The following CACNA2D3 variants were observed in gnomAD, a reference collection of about 807,000 sequenced individuals.
CACNA2D3 encodes the protein calcium voltage-gated channel auxiliary subunit alpha2delta 3.
A neutral mutation model predicts 160.6 loss-of-function variants in CACNA2D3; 60 were observed. The observed-to-expected ratio is 0.37, with a 90% CI of 0.30 to 0.46. The LOEUF (loss-of-function observed/expected upper bound fraction) is 0.46. CACNA2D3 is among the 20% of genes least tolerant of loss of function. The pLI is 1.00. For synonymous variants in CACNA2D3, 558 were observed against 492.9 expected, an observed-to-expected ratio of 1.13 and a Z score of -1.75; for missense variants, 1,205 against 1,365.0, an observed-to-expected ratio of 0.88 and a Z score of 1.85.
At chr3:54,900,317 A>G (rs372800709) in intron 27 of CACNA2D3, among the ~76,000 whole-genome samples, 127 of 152,248 alleles carry the variant, frequency 8.3e-4, no homozygotes, top group African/African-American at 2.9e-3. Flanking sequence ...CCCCTGGGGA[A>G]TTAGAGTTAG....
intron 9 of CACNA2D3, among the ~76,000 whole-genome samples, chr3:54,604,759 C>T (rs1703134107): frequency 6.6e-6 from 1 of 152,164 alleles, no homozygotes; most frequent in Non-Finnish European, 1.5e-5. Flanking sequence ...TCCCCAGCCC[C>T]CACTTGATCC....
At chr3:54,678,578 G>A (rs1443088205) in intron 11 of CACNA2D3, among the ~76,000 whole-genome samples, 2 of 151,646 alleles carry the variant, frequency 1.3e-5, no homozygotes, top group East Asian at 1.9e-4. Flanking sequence ...AAAATTAGCC[G>A]GGCATGGTGG....
intron 16 of CACNA2D3, among the ~76,000 whole-genome samples, chr3:54,844,069 G>T (rs1698879910): frequency 6.6e-6 from 1 of 152,134 alleles, no homozygotes; most frequent in South Asian, 2.1e-4. Flanking sequence ...CTTATTGAGG[G>T]AGAGGAGAGC....
chr3:54,543,185 T>A (rs1185036522), intron 5 of CACNA2D3, among the ~76,000 whole-genome samples: 2 of 152,222 alleles, frequency 1.3e-5, no homozygotes, highest in Non-Finnish European at 2.9e-5. Context: ...AATGCTATAC[T>A]GCTGTTACAG....
intron 3 of CACNA2D3, among the ~76,000 whole-genome samples, chr3:54,336,139 C>T (rs1487651365): frequency 6.6e-6 from 1 of 152,056 alleles, no homozygotes; most frequent in Non-Finnish European, 1.5e-5. Flanking sequence ...AGGGCGGCCC[C>T]AGTGGGTTAT....
intron 4 of CACNA2D3, among the ~76,000 whole-genome samples, chr3:54,502,581 T>C (rs1022231804): frequency 6.6e-6 from 1 of 152,266 alleles, no homozygotes; most frequent in Non-Finnish European, 1.5e-5. Flanking sequence ...TTTAAGGTTC[T>C]GCTCTGTTAA....
intron 13 of CACNA2D3, among the ~76,000 whole-genome samples, chr3:54,780,044 G>A (rs1362415560): frequency 6.6e-6 from 1 of 152,164 alleles, no homozygotes; most frequent in Non-Finnish European, 1.5e-5. Context: ...ACTACAGTTT[G>A]TTTGTTTCTC....
chr3:54,871,085 C>T (rs952544723), intron 17 of CACNA2D3, among the ~76,000 whole-genome samples: 24 of 122,544 alleles, frequency 2.0e-4, no homozygotes, highest in African/African-American at 3.5e-4. Flanking sequence ...CACACACACA[C>T]ACACACACCA....
At chr3:54,168,755 G>T (rs1261737633) in intron 2 of CACNA2D3, among the ~76,000 whole-genome samples, 1 of 152,192 alleles carries the variant, frequency 6.6e-6, no homozygotes, top group Non-Finnish European at 1.5e-5. Context: ...GAGATGGAAG[G>T]CCCCTTTAGG....
At chr3:54,369,415 C>T (rs1272668332) in intron 3 of CACNA2D3, among the ~76,000 whole-genome samples, 5 of 152,158 alleles carry the variant, frequency 3.3e-5, no homozygotes, top group Non-Finnish European at 1.5e-5. Context: ...TAAGTGACTG[C>T]CGGCGGGCCT....
intron 27 of CACNA2D3, among the ~76,000 whole-genome samples, chr3:54,967,304 C>T (rs1702176332): frequency 1.3e-5 from 2 of 152,174 alleles, no homozygotes; most frequent in Non-Finnish European, 2.9e-5. Context: ...TCTCCAAGTT[C>T]CTGAAGCCAG....
At chr3:54,521,120 C>T (rs1701640598) in intron 5 of CACNA2D3, among the ~76,000 whole-genome samples, 1 of 152,122 alleles carries the variant, frequency 6.6e-6, no homozygotes, top group African/African-American at 2.4e-5. Flanking sequence ...TGGGTATATA[C>T]CTAGAAATGG....
rs145399153 is a variant in CACNA2D3 at position 54,485,359 on chromosome 3, G to A, written c.382-18133G>A. Among the ~76,000 whole-genome samples the A allele has an allele frequency of 5.4e-3, 829 of 152,246 alleles. 10 individuals are homozygous for A. Among genetic ancestry groups the A allele is most frequent in the African/African-American group, 0.018 (730 of 41,546 alleles). On this transcript the variant is annotated intron_variant, in intron 4 of 37. Coordinates refer to ENST00000474759, the MANE Select transcript of CACNA2D3 (RefSeq NM_018398.3). ...TTTTAACTTGAACCAAGGAAGTCTA[G>A]TTATTGGACACTAAAGGAACTATAG... is the stretch of plus-strand genomic sequence containing the variant.
chr3:54,152,100 T>C (rs1235549831), intron 2 of CACNA2D3, among the ~76,000 whole-genome samples: 1 of 152,218 alleles, frequency 6.6e-6, no homozygotes, highest in Non-Finnish European at 1.5e-5. Context: ...TGATCCAAGA[T>C]TGACTTGTGT....
chr3:54,833,800 G>A (rs1703929491), intron 14 of CACNA2D3, among the ~76,000 whole-genome samples: 1 of 152,048 alleles, frequency 6.6e-6, no homozygotes, highest in Non-Finnish European at 1.5e-5. Flanking sequence ...TCTGCAAATG[G>A]TATTTCTGTG....
chr3:55,023,050 G>C (rs1262830540), intron 35 of CACNA2D3, among the ~76,000 whole-genome samples: 4 of 152,068 alleles, frequency 2.6e-5, no homozygotes, highest in Admixed American at 2.6e-4. Flanking sequence ...TTCCAAGAAT[G>C]ATCTGAGAGT....
At chr3:54,460,613 G>A (rs536069278) in intron 4 of CACNA2D3, among the ~76,000 whole-genome samples, 5 of 150,858 alleles carry the variant, frequency 3.3e-5, no homozygotes, top group South Asian at 4.2e-4. Flanking sequence ...TGTGATTTTT[G>A]TACATTGATT....
chr3:54,940,604 TC>T (rs1287894945), intron 27 of CACNA2D3, among the ~76,000 whole-genome samples: 18 of 152,176 alleles, frequency 1.2e-4, no homozygotes, highest in Non-Finnish European at 1.3e-4. Context: ...TACAGGCTAC[TC>T]CCAAACTGTC....
chr3:54,182,101 T>C (rs1452757429), intron 2 of CACNA2D3, among the ~76,000 whole-genome samples: 1 of 152,196 alleles, frequency 6.6e-6, no homozygotes, highest in Non-Finnish European at 1.5e-5. Context: ...GAGCTGAAGT[T>C]ATAAAATAAT....
Sources: allele counts gnomAD v4.1 joint callset (sites outside exome capture counted in the v4.1 genomes callset), GRCh38; gene constraint gnomAD v4.1.1; transcripts MANE v1.5; gene names NCBI Gene and HGNC (gene_info 2026-07-23, HGNC 2026-07-21).